Variants in LRP1B observed in about 807,000 individuals in gnomAD.
LRP1B encodes low-density lipoprotein receptor-related protein 1B.
In LRP1B, 217 loss-of-function variants were observed where a neutral mutation model predicts 556.6. The observed-to-expected ratio is 0.39, with a 90% CI of 0.35 to 0.44. The LOEUF (loss-of-function observed/expected upper bound fraction) is 0.44. Among genes scored for constraint, LRP1B ranks in the 20% least tolerant of loss-of-function variants. The pLI, the probability that LRP1B is intolerant of heterozygous loss-of-function variation, is 1.00. For missense variants in LRP1B, 5,053 were observed against 5,620.8 expected (o/e 0.90, Z 3.23); for synonymous variants, 2,047 against 1,865.8 (o/e 1.10, Z -2.50).
At chr2:141,716,378 G>T (rs746715218) in intron 2 of LRP1B, among the ~76,000 whole-genome samples, 1 of 152,008 alleles carries the variant, frequency 6.6e-6, no homozygotes, top group Non-Finnish European at 1.5e-5. Flanking sequence ...TGAGAGTCAC[G>T]GATGCTAGTG....
chr2:141,570,841 C>G (rs567571441), intron 2 of LRP1B, among the ~76,000 whole-genome samples: 1 of 151,076 alleles, frequency 6.6e-6, no homozygotes, highest in Non-Finnish European at 1.5e-5. Flanking sequence ...CCTCACTGGG[C>G]GGGGCTTCTC....
chr2:141,896,207 A>G (rs982310506), intron 1 of LRP1B, among the ~76,000 whole-genome samples: 1 of 152,214 alleles, frequency 6.6e-6, no homozygotes, highest in Non-Finnish European at 1.5e-5. Flanking sequence ...AGTCTCAAAG[A>G]AAAGCAAAGT....
chr2:141,049,429 G>T (rs1466518776), intron 10 of LRP1B, among the ~76,000 whole-genome samples: 2 of 152,002 alleles, frequency 1.3e-5, no homozygotes, highest in African/African-American at 4.8e-5. Context: ...CCGCAAATGG[G>T]TTATATGTAG....
At chr2:141,399,737 G>A (rs1392224106) in intron 3 of LRP1B, among the ~76,000 whole-genome samples, 4 of 152,100 alleles carry the variant, frequency 2.6e-5, no homozygotes, top group Admixed American at 6.5e-5. Context: ...CATTGTCCTC[G>A]TTTGTGACTT....
chr2:140,369,678 A>T (rs1025860362), intron 71 of LRP1B, among the ~76,000 whole-genome samples: 2 of 151,490 alleles, frequency 1.3e-5, no homozygotes, highest in African/African-American at 2.4e-5. Context: ...AAAAAAAACT[A>T]TTTTTTTCTG....
At chr2:140,735,679 C>A (rs1211869922) in intron 35 of LRP1B, among the ~76,000 whole-genome samples, 2 of 152,114 alleles carry the variant, frequency 1.3e-5, no homozygotes, top group African/African-American at 2.4e-5. Flanking sequence ...CTAGTACTTC[C>A]CTTGTGCTGG....
At chr2:140,701,295 G>A (rs1304878960) in intron 40 of LRP1B, among the ~76,000 whole-genome samples, 1 of 151,978 alleles carries the variant, frequency 6.6e-6, no homozygotes, top group Non-Finnish European at 1.5e-5. Context: ...TAATGACTTT[G>A]GAAATATTTT....
intron 1 of LRP1B, among the ~76,000 whole-genome samples, chr2:141,841,927 A>G (rs533691908): frequency 6.6e-6 from 1 of 152,218 alleles, no homozygotes; most frequent in Non-Finnish European, 1.5e-5. Flanking sequence ...CAATATTAAT[A>G]TATGCTCATT....
Position 141,657,359 on chromosome 2 carries a change from T to C in LRP1B, c.205+152920A>G, listed in dbSNP as rs114195931. Among the ~76,000 whole-genome samples, 212 of 152,226 alleles carry C rather than the reference T, an allele frequency of 1.4e-3. 2 individuals are homozygous for C. Among genetic ancestry groups the C allele is most frequent in the African/African-American group, 4.9e-3 (204 of 41,568 alleles). On this transcript the variant is annotated intron_variant, in intron 2 of 90. Coordinates refer to ENST00000389484, the MANE Select transcript of LRP1B (RefSeq NM_018557.3). ...GAACATTTAATTCTTGATGAAGTCT[T>C]TCTTACGGATCAAATAAATTTTATT...
chr2:140,597,985 C>T (rs775035699), intron 43 of LRP1B, among the ~76,000 whole-genome samples: 1 of 152,104 alleles, frequency 6.6e-6, no homozygotes, highest in African/African-American at 2.4e-5. Context: ...CTGTAGCCAC[C>T]CAGATCTAAC....
intron 66 of LRP1B, among the ~76,000 whole-genome samples, chr2:140,404,504 T>A (rs1289569352): frequency 2.0e-5 from 3 of 152,054 alleles, no homozygotes; most frequent in African/African-American, 7.2e-5. Flanking sequence ...ATTCACAGGG[T>A]TTATAAAACA....
At chr2:140,280,372 T>C (rs553688056) in intron 84 of LRP1B, among the ~76,000 whole-genome samples, 1 of 151,832 alleles carries the variant, frequency 6.6e-6, no homozygotes, top group African/African-American at 2.4e-5. Context: ...AAAGAAGGGA[T>C]TCAAGATAGA....
intron 60 of LRP1B, among the ~76,000 whole-genome samples, chr2:140,461,227 T>C (rs192933849): frequency 6.6e-6 from 1 of 152,254 alleles, no homozygotes; most frequent in Admixed American, 6.5e-5. Context: ...AATAAGTATA[T>C]TTCTGGGTAA....
rs371596674 is a variant in LRP1B at position 140,691,941 on chromosome 2, G to A, written c.6799+8309C>T. On this transcript the variant is annotated intron_variant, in intron 41 of 90. Transcript: ENST00000389484. ...TATTATTAAGAACAATCTTATTATA[G>A]CTATTGTTGAAAGTATATAGTTCTC... 3.9e-5 allele frequency among the ~76,000 whole-genome samples: 6 copies of A among 152,044 alleles called. No individual in the cohort carries two copies. The East Asian group carries it at 1.2e-3, about 29-fold the overall frequency.
At position 142,003,849 on chromosome 2, in the gene LRP1B, T is replaced by G. The variant is rs559200318; in HGVS notation, c.82+126799A>C. 1.1e-4 allele frequency among the ~76,000 whole-genome samples: 16 copies of G among 152,344 alleles called. No individual in the cohort carries two copies. In the South Asian group the frequency reaches 3.3e-3, roughly 32 times the overall value. On this transcript the variant is annotated intron_variant, in intron 1 of 90. Transcript: ENST00000389484. ...TGAGTTTTCTTATGAACATGGGCTC[T>G]GCTCTGGAGGTAGAAAGGGCTGGCC...
rs182622825 is a variant in LRP1B at position 140,431,607 on chromosome 2, G to A, written c.10414+10897C>T. Among the ~76,000 whole-genome samples, 242 of 152,260 alleles carry A rather than the reference G, an allele frequency of 1.6e-3. 1 individual carries two copies. Among genetic ancestry groups the A allele is most frequent in the African/African-American group, 5.4e-3 (224 of 41,546 alleles). On this transcript the variant is annotated intron_variant, in intron 66 of 90. Coordinates refer to ENST00000389484, the MANE Select transcript of LRP1B (RefSeq NM_018557.3). Reference sequence around the variant, plus strand: ...TTAAAGTAAATAAATAATCTTTGCTGGCGGGACTATGCTGAATCTCCTTAG... The same window carrying A: ...TTAAAGTAAATAAATAATCTTTGCTAGCGGGACTATGCTGAATCTCCTTAG...
intron 1 of LRP1B, among the ~76,000 whole-genome samples, chr2:142,119,835 C>T (rs1211896453): frequency 2.0e-5 from 3 of 152,086 alleles, no homozygotes; most frequent in Non-Finnish European, 4.4e-5. Context: ...AGCAAGCTTT[C>T]CTTGACAATC....
intron 3 of LRP1B, among the ~76,000 whole-genome samples, chr2:141,409,875 T>C (rs918419191): frequency 6.6e-6 from 1 of 151,932 alleles, no homozygotes; most frequent in African/African-American, 2.4e-5. Flanking sequence ...ACACAATAAC[T>C]TGAGAAGAGA....
At chr2:141,354,757 T>A (rs1419962890) in intron 3 of LRP1B, among the ~76,000 whole-genome samples, 2 of 151,578 alleles carry the variant, frequency 1.3e-5, no homozygotes, top group Non-Finnish European at 1.5e-5. Flanking sequence ...TCAAGTAAAG[T>A]GCAATCAACC....
Sources: gnomAD v4.1 joint callset for allele counts (sites outside exome capture counted in the v4.1 genomes callset) on GRCh38, gnomAD v4.1.1 for gene constraint, MANE v1.5 for transcripts, NCBI Gene and HGNC (gene_info 2026-07-23, HGNC 2026-07-21) for gene names.